Variants in HSF5 observed in about 807,000 individuals in gnomAD.
The protein encoded by HSF5 is heat shock factor protein 5.
Under a neutral mutation model 50.8 loss-of-function variants are expected in HSF5, and 5 were observed. That is an observed-to-expected ratio of 0.10 (90% confidence interval 0.05 to 0.21). The LOEUF is 0.21. Ranked by LOEUF, HSF5 falls within the 10% of genes least tolerant of loss-of-function variation. HSF5 has a pLI of 1.00. For synonymous variants in HSF5, 307 were observed against 307.4 expected, an observed-to-expected ratio of 1.00 and a Z score of 0.02; for missense variants, 564 against 762.6, an observed-to-expected ratio of 0.74 and a Z score of 3.07.
intron 4 of HSF5, among the ~76,000 whole-genome samples, chr17:58,461,284 G>C (rs2143779144): frequency 6.6e-6 from 1 of 151,446 alleles, no homozygotes; most frequent in African/African-American, 2.4e-5. Context: ...CCTATATTTT[G>C]TCTACTGAAT....
intron 2 of HSF5, among the ~76,000 whole-genome samples, chr17:58,474,771 CAG>C (rs1160528316): frequency 3.3e-5 from 5 of 152,150 alleles, no homozygotes; most frequent in Non-Finnish European, 5.9e-5. Context: ...GGCTGGAATG[CAG>C]TGGCACAATC....
At chr17:58,463,372 T>C (rs1974821249) in intron 3 of HSF5, 69 bp from the exon 4 acceptor site, 3 of 1,282,788 alleles carry the variant, frequency 2.3e-6, no homozygotes. Flanking sequence ...AAAGCTACAA[T>C]ATTTAGGCTG....
At chr17:58,477,802 A>G (rs1252688403) in intron 2 of HSF5, among the ~76,000 whole-genome samples, 1 of 151,990 alleles carries the variant, frequency 6.6e-6, no homozygotes. Context: ...TACTTTAAGT[A>G]AATATCTTTT....
At chr17:58,422,485 C>A in intron 5 of HSF5, 55 bp from the exon 6 acceptor site, 1 of 1,427,152 alleles carries the variant, frequency 7.0e-7, no homozygotes, top group Middle Eastern at 1.8e-4. Context: ...GTTCTATAGA[C>A]AAGTTTTCAG....
intron 2 of HSF5, chr17:58,476,064 C>A: frequency 2.0e-6 from 1 of 497,702 alleles, no homozygotes; most frequent in East Asian, 4.7e-5. Context: ...AAAAAACCTG[C>A]AACTTGCTCC....
At chr17:58,479,783 T>A (rs1975072919) in intron 2 of HSF5, 110 bp downstream of exon 2, 2 of 925,282 alleles carry the variant, frequency 2.2e-6, no homozygotes, top group Admixed American at 4.9e-5. Context: ...AGGTGTACAT[T>A]CCTACTGTTT....
intron 5 of HSF5, among the ~76,000 whole-genome samples, chr17:58,444,753 A>T (rs929631382): frequency 2.6e-5 from 4 of 152,348 alleles, no homozygotes; most frequent in African/African-American, 9.6e-5. Context: ...CATCAAACTT[A>T]AAAGTGTCTG....
At chr17:58,423,625 G>A (rs1038658065) in intron 5 of HSF5, among the ~76,000 whole-genome samples, 24 of 151,826 alleles carry the variant, frequency 1.6e-4, no homozygotes, top group Middle Eastern at 3.4e-3. Flanking sequence ...GATTACAGGC[G>A]CACACCACCA....
At chr17:58,465,476 G>GTTACACT (rs1335752125) in intron 3 of HSF5, among the ~76,000 whole-genome samples, 2 of 152,084 alleles carry the variant, frequency 1.3e-5, no homozygotes, top group African/African-American at 4.8e-5. Context: ...CTGTGGGATA[G>GTTACACT]GTATGTCCCT....
At chr17:58,433,199 C>T (rs752805896) in intron 5 of HSF5, among the ~76,000 whole-genome samples, 3 of 152,174 alleles carry the variant, frequency 2.0e-5, no homozygotes, top group Non-Finnish European at 4.4e-5. Context: ...CATGGTTTCA[C>T]CATGTTGGCC....
At chr17:58,427,096 TAAAAATAAATAC>T (rs1436944187) in intron 5 of HSF5, among the ~76,000 whole-genome samples, 1 of 151,608 alleles carries the variant, frequency 6.6e-6, no homozygotes, top group Non-Finnish European at 1.5e-5. Flanking sequence ...TATAAAAAAA[TAAAAATAAATAC>T]AAAAATAAAT....
chr17:58,484,272 T>C (rs1975138054), intron 1 of HSF5, among the ~76,000 whole-genome samples: 2 of 151,104 alleles, frequency 1.3e-5, no homozygotes, highest in Admixed American at 6.6e-5. Flanking sequence ...TGGATTGACA[T>C]ATAATCTATA....
At chr17:58,425,595 A>AAAAC (rs1974286933) in intron 5 of HSF5, among the ~76,000 whole-genome samples, 1 of 150,910 alleles carries the variant, frequency 6.6e-6, no homozygotes, top group Non-Finnish European at 1.5e-5. Context: ...AAAAAAAAAA[A>AAAAC]AAAAAAACAG....
At chr17:58,486,217 T>C (rs1289813370) in intron 1 of HSF5, among the ~76,000 whole-genome samples, 2 of 151,926 alleles carry the variant, frequency 1.3e-5, no homozygotes, top group Middle Eastern at 3.4e-3. Flanking sequence ...ATATAAAAAT[T>C]AGCCGGGCAT....
At chr17:58,455,991 A>G (rs1285762369) in intron 5 of HSF5, among the ~76,000 whole-genome samples, 1 of 152,178 alleles carries the variant, frequency 6.6e-6, no homozygotes, top group African/African-American at 2.4e-5. Flanking sequence ...ATGTATCTCC[A>G]AAGAAGATGA....
intron 5 of HSF5, 107 bp downstream of exon 5, chr17:58,458,661 C>T (rs564152156): frequency 1.2e-6 from 1 of 852,736 alleles, no homozygotes; most frequent in East Asian, 2.7e-5. Context: ...TGTGACAGGT[C>T]TAATACAATT....
At position 58,446,596 on chromosome 17, in the gene HSF5, A is replaced by C. The variant is rs1974565621; in HGVS notation, c.1720+12172T>G. On this transcript the variant is annotated intron_variant, in intron 5 of 5. Transcript: ENST00000323777. Reference sequence around the variant, plus strand: ...CCACTGCCACAGTGGGAAGAAACTGAGTCTTGGCCTGATCCACTGTGGGCT... The same window carrying C: ...CCACTGCCACAGTGGGAAGAAACTGCGTCTTGGCCTGATCCACTGTGGGCT... Among the ~76,000 whole-genome samples, 3 of 152,136 alleles carry C rather than the reference A, an allele frequency of 2.0e-5. No individual in the cohort carries two copies. In the South Asian group the frequency reaches 6.2e-4, roughly 31 times the overall value.
intron 1 of HSF5, among the ~76,000 whole-genome samples, chr17:58,481,204 CAG>C (rs557252304): frequency 1.3e-5 from 2 of 152,184 alleles, no homozygotes; most frequent in Non-Finnish European, 2.9e-5. Flanking sequence ...TTTCTTTCTT[CAG>C]AGTCTTTCCA....
At position 58,480,041 on chromosome 17, in the gene HSF5, C is replaced by G; in HGVS notation, c.777G>C (p.Gln259His). ...SDKGVPFPVL[Q>H]RFPTEVTYTL... ...TATAGGTAACCTCAGTTGGAAACCTCTGGAGTACAGGAAACGGAACCCCTT... is the reference window on the plus strand; with the variant it reads ...TATAGGTAACCTCAGTTGGAAACCTGTGGAGTACAGGAAACGGAACCCCTT... Residue 259 changes from glutamine (Q) to histidine (H), a missense_variant, in exon 2 of 6, where the codon CAG becomes CAC. By Grantham distance (24) the Gln-to-His change is conservative. Coordinates refer to ENST00000323777, the MANE Select transcript of HSF5 (RefSeq NM_001080439.3). 2.5e-6 allele frequency: 4 copies of G among 1,614,154 alleles called. No homozygotes were observed. The highest frequency in any genetic ancestry group is 3.4e-6 in the Non-Finnish European group (4 of 1,180,026).
Sources: gnomAD v4.1 joint callset for allele counts (sites outside exome capture counted in the v4.1 genomes callset) on GRCh38, gnomAD v4.1.1 for gene constraint, MANE v1.5 for transcripts, NCBI Gene and HGNC (gene_info 2026-07-23, HGNC 2026-07-21) for gene names.